Variants in NDUFA10 observed in about 807,000 individuals in gnomAD.
NDUFA10 encodes NADH:ubiquinone oxidoreductase subunit A10.
NDUFA10 carries 40 observed loss-of-function variants against 47.8 expected under a neutral mutation model. That is an observed-to-expected ratio of 0.84 (90% confidence interval 0.65 to 1.09). NDUFA10 has a LOEUF of 1.09. Among genes scored for constraint, NDUFA10 ranks in the 50% least tolerant of loss-of-function variants. The probability of loss-of-function intolerance (pLI) is 0.00; values close to 1 mark genes in which losing one functional copy is unlikely to be tolerated. For synonymous variants in NDUFA10, 183 were observed against 172.2 expected (o/e 1.06, Z -0.49); for missense variants, 413 against 451.1 (o/e 0.92, Z 0.76).
rs563041027 is a variant in NDUFA10, at chr2:239,976,253, G to A, written c.999+13821C>T. ...ATCTCATGCCTGCTGTAACCCCCAC[G>A]TGGCTTAGGATGGAAAGTAAGCTCC... On this transcript the variant is annotated intron_variant, in intron 9 of 9. Coordinates refer to ENST00000252711, the MANE Select transcript of NDUFA10 (RefSeq NM_004544.4). 4.6e-5 allele frequency among the ~76,000 whole-genome samples: 7 copies of A among 152,184 alleles called. No homozygotes were observed. The South Asian group carries it at 1.0e-3, about 23-fold the overall frequency.
downstream of NDUFA10, among the ~76,000 whole-genome samples, chr2:239,955,406 C>T (rs967187290): frequency 2.0e-5 from 3 of 152,184 alleles, no homozygotes; most frequent in African/African-American, 4.8e-5. Context: ...CTATGGTCAG[C>T]GCTGGATTCT....
At position 240,021,363 on chromosome 2, in the gene NDUFA10, T is replaced by C. The variant is rs1697614229; in HGVS notation, c.294A>G (p.Thr98=). The change falls in exon 3 of 10, where the codon ACA becomes ACG. Residue 98 remains threonine, a synonymous_variant. Transcript: ENST00000252711. ...CGGTGGCGAGGGGCTTCCCATCTCC[T>C]GTGGTACTGTCTGGATAATGAATCC... ...EAGIHYPDST[T]GDGKPLATDY... is the part of the protein sequence containing the mutation. The C allele has an allele frequency of 1.9e-6, 3 of 1,614,224 alleles. No individual in the cohort carries two copies. Among genetic ancestry groups the C allele is most frequent in the Middle Eastern group, 1.6e-4 (1 of 6,062 alleles).
At chr2:239,896,127 C>T (rs10190499) in intron 4 of NDUFA10, among the ~76,000 whole-genome samples, 19,770 of 152,282 alleles carry the variant, frequency 0.13, 1,397 homozygotes, top group South Asian at 0.18. Flanking sequence ...TTCCTGGCCT[C>T]GAGTCCTGCT....
chr2:239,907,921 C>T (rs149231718), intron 4 of NDUFA10, among the ~76,000 whole-genome samples: 21,253 of 152,158 alleles, frequency 0.14, 1,606 homozygotes, highest in Middle Eastern at 0.22. Context: ...GAATATAAAT[C>T]GTGCTGCTAT....
chr2:239,966,324 T>C (rs1285925366), intron 9 of NDUFA10, among the ~76,000 whole-genome samples: 1 of 152,148 alleles, frequency 6.6e-6, no homozygotes, highest in Non-Finnish European at 1.5e-5. Flanking sequence ...AGCCCAGACA[T>C]GGAGGATGAG....
At chr2:239,920,892 C>A (rs1448281917) in intron 4 of NDUFA10, among the ~76,000 whole-genome samples, 1 of 152,294 alleles carries the variant, frequency 6.6e-6, no homozygotes, top group Non-Finnish European at 1.5e-5. Context: ...CCCCTTTAAT[C>A]TTTGGGCAAC....
chr2:240,014,868 A>G lies in NDUFA10; in HGVS notation c.548-8T>C. The G allele has an allele frequency of 6.2e-7, 1 of 1,614,220 alleles. No homozygotes were observed. Reference sequence around the variant, plus strand: ...CGTTGTAGTGGTCCACACCTGGCACATAGGAGAAAGGGGCGCTGTCACCTA... The same window carrying G: ...CGTTGTAGTGGTCCACACCTGGCACGTAGGAGAAAGGGGCGCTGTCACCTA... On this transcript the variant is annotated splice_polypyrimidine_tract_variant and splice_region_variant and intron_variant, in intron 4 of 9. Coordinates refer to ENST00000252711, the MANE Select transcript of NDUFA10 (RefSeq NM_004544.4).
At chr2:239,982,073 T>C (rs1304926661) in intron 9 of NDUFA10, 2 of 1,610,540 alleles carry the variant, frequency 1.2e-6, no homozygotes, top group Non-Finnish European at 1.7e-6. Flanking sequence ...CCTCAAATGC[T>C]GTTTGCTCCC....
chr2:239,952,954 TAAG>T (rs1359617311), downstream of NDUFA10, among the ~76,000 whole-genome samples: 3 of 151,914 alleles, frequency 2.0e-5, no homozygotes, highest in Admixed American at 6.6e-5. Flanking sequence ...ACGTGGGAGG[TAAG>T]AAGAAGCTGA....
chr2:240,005,545 TG>T (rs1324990298), intron 7 of NDUFA10, among the ~76,000 whole-genome samples: 1 of 151,946 alleles, frequency 6.6e-6, no homozygotes, highest in Non-Finnish European at 1.5e-5. Context: ...TTAGTAGAGA[TG>T]GGGTCTCACC....
rs558048643 is a variant in NDUFA10, at chr2:240,016,830, C to T, written c.547+1723G>A. ...TCAGCAGACACTCAGCAGATGCCGA[C>T]AGGTATCTCCTGCCACCTTGCCATG... On this transcript the variant is annotated intron_variant, in intron 4 of 9. Coordinates refer to ENST00000252711, the MANE Select transcript of NDUFA10 (RefSeq NM_004544.4). This position sits in a 1 kb window ranked among gnomAD's most constrained non-coding sequence, Gnocchi z 4.4. Among the ~76,000 whole-genome samples the T allele has an allele frequency of 2.0e-5, 3 of 152,290 alleles. No individual in the cohort carries two copies. The highest frequency in any genetic ancestry group is 3.9e-4 in the East Asian group (2 of 5,168).
chr2:239,921,560 G>A (rs537832001), intron 4 of NDUFA10, among the ~76,000 whole-genome samples: 8 of 152,240 alleles, frequency 5.3e-5, no homozygotes, highest in South Asian at 2.1e-4. Flanking sequence ...TTTACAGAGC[G>A]CTGATTGATC....
At chr2:240,011,242 T>C (rs897036785) in intron 6 of NDUFA10, among the ~76,000 whole-genome samples, 3 of 152,232 alleles carry the variant, frequency 2.0e-5, no homozygotes, top group Admixed American at 2.0e-4. Flanking sequence ...ATTTTCTCCA[T>C]GAATACACTT....
intron 4 of NDUFA10, among the ~76,000 whole-genome samples, chr2:239,920,826 A>G (rs772584818): frequency 2.0e-5 from 3 of 152,130 alleles, no homozygotes; most frequent in African/African-American, 7.2e-5. Flanking sequence ...GCAGATGAAC[A>G]CAGTTCCTAG....
At chr2:239,925,222 A>T (rs1471082267) in intron 4 of NDUFA10, among the ~76,000 whole-genome samples, 1 of 152,180 alleles carries the variant, frequency 6.6e-6, no homozygotes, top group African/African-American at 2.4e-5. Context: ...AATAAACTAG[A>T]CTAGCTTAAA....
chr2:239,899,061 A>ATGGAGGGGTGTGATGGAGGAGTG lies in NDUFA10; in HGVS notation c.295-3770_295-3748dup, dbSNP rs1574761912. Among the ~76,000 whole-genome samples, 5 of 31,162 alleles carry ATGGAGGGGTGTGATGGAGGAGTG rather than the reference A, an allele frequency of 1.6e-4. 1 individual carries two copies. Among genetic ancestry groups the ATGGAGGGGTGTGATGGAGGAGTG allele is most frequent in the South Asian group, 3.6e-3 (2 of 562 alleles). The allele number at this position is 31,162 out of a possible 152,430, so 20.4% of individuals were successfully genotyped here. ...AGGAGGGGTGTGATGGAGGAGTGTGATGGAGGGGTGTGATGGAGGAGTGTG... is the reference window on the plus strand; with the variant it reads ...AGGAGGGGTGTGATGGAGGAGTGTGATGGAGGGGTGTGATGGAGGAGTGTGGAGGGGTGTGATGGAGGAGTGTG... On this transcript the variant is annotated intron_variant, in intron 4 of 5. Transcript: ENST00000419408.
intron 6 of NDUFA10, among the ~76,000 whole-genome samples, chr2:240,010,579 G>T (rs993350234): frequency 2.0e-5 from 3 of 152,088 alleles, no homozygotes; most frequent in Non-Finnish European, 4.4e-5. Flanking sequence ...CTTGGAAATA[G>T]GGCAGTACAA....
At chr2:240,018,125 G>A (rs1697440211) in intron 4 of NDUFA10, among the ~76,000 whole-genome samples, 1 of 152,180 alleles carries the variant, frequency 6.6e-6, no homozygotes, top group South Asian at 2.1e-4. Context: ...CGTGTCAGAG[G>A]GAAGCACTGT....
chr2:239,950,250 C>T (rs1018337385), intron 4 of NDUFA10, among the ~76,000 whole-genome samples: 10 of 152,176 alleles, frequency 6.6e-5, no homozygotes, highest in Admixed American at 2.0e-4. Context: ...GATGCATCTC[C>T]TACAGCCAGA....
Sources: allele counts gnomAD v4.1 joint callset (sites outside exome capture counted in the v4.1 genomes callset), GRCh38; gene constraint gnomAD v4.1.1; non-coding constraint Gnocchi (gnomAD v3.1); transcripts MANE v1.5; gene names NCBI Gene and HGNC (gene_info 2026-07-23, HGNC 2026-07-21).